The following DNAAF19 variants were observed in gnomAD, a reference collection of about 807,000 sequenced individuals.
DNAAF19 encodes dynein axonemal assembly factor 19, also known as coiled-coil domain containing 103.
chr17:44,904,603 C>T, the DNAAF19 span: 4 of 1,550,612 alleles, frequency 2.6e-6, no homozygotes, highest in Admixed American at 5.9e-5. Flanking sequence ...CCATCATTAA[C>T]TATGTGTCCA....
At chr17:44,904,566 CAAAG>C in the DNAAF19 span, 16 of 1,550,590 alleles carry the variant, frequency 1.0e-5, 1 homozygote, top group South Asian at 1.7e-4. Flanking sequence ...TGTGAGAAGA[CAAAG>C]ACCATCCGGG....
chr17:44,901,291 AT>A, the DNAAF19 span: 1 of 1,044,266 alleles, frequency 9.6e-7, no homozygotes, highest in East Asian at 2.7e-5. Context: ...AGTCTCAATT[AT>A]TTATCTGTAG....
the DNAAF19 span, chr17:44,900,993 C>T: frequency 1.3e-6 from 2 of 1,599,172 alleles, no homozygotes; most frequent in Non-Finnish European, 1.7e-6. Flanking sequence ...TTCCCAGGCA[C>T]AGGCCATGGA....
chr17:44,901,606 C>A, the DNAAF19 span: 1 of 1,614,166 alleles, frequency 6.2e-7, no homozygotes, highest in East Asian at 2.2e-5. Flanking sequence ...AACTGTCACA[C>A]TATTCAGGGA....
chr17:44,900,021 T>G, the DNAAF19 span, among the ~76,000 whole-genome samples: 5 of 151,618 alleles, frequency 3.3e-5, no homozygotes, highest in Admixed American at 6.6e-5. Flanking sequence ...CTAGGGCTGT[T>G]GGTGATGACC....
chr17:44,905,269 T>C, the DNAAF19 span: 3 of 592,060 alleles, frequency 5.1e-6, no homozygotes, highest in Non-Finnish European at 9.2e-6. Context: ...GGTGGGAGAT[T>C]GGGGACTGAG....
the DNAAF19 span, chr17:44,903,605 C>A: frequency 6.4e-6 from 9 of 1,404,882 alleles, no homozygotes; most frequent in East Asian, 5.2e-5. Context: ...CTTTCCCCCC[C>A]CACCCTGAGA....
the DNAAF19 span, chr17:44,902,568 G>A: frequency 1.2e-6 from 2 of 1,614,206 alleles, no homozygotes; most frequent in East Asian, 2.2e-5. Context: ...CGGCTGACCG[G>A]GCAGCGGTGC....
chr17:44,903,797 GC>G, the DNAAF19 span: 2 of 1,528,610 alleles, frequency 1.3e-6, no homozygotes, highest in South Asian at 2.5e-5. Flanking sequence ...CCCTGGTTTT[GC>G]CCTGCCCCTC....
chr17:44,901,423 CG>C, the DNAAF19 span: 1 of 1,372,118 alleles, frequency 7.3e-7, no homozygotes, highest in African/African-American at 1.4e-5. Flanking sequence ...CATATTGGTC[CG>C]TAACAGGTTT....
At chr17:44,902,808 G>C in the DNAAF19 span, 1 of 1,548,948 alleles carries the variant, frequency 6.5e-7, no homozygotes, top group African/African-American at 1.4e-5. Flanking sequence ...AGCTGTACCA[G>C]GTTGACTGAT....
chr17:44,902,385 C>G, the DNAAF19 span: 2 of 1,614,220 alleles, frequency 1.2e-6, no homozygotes, highest in Non-Finnish European at 1.7e-6. Context: ...CCCTCCAGCC[C>G]GAGACGTCTG....
At chr17:44,903,394 C>G in the DNAAF19 span, 1 of 1,251,090 alleles carries the variant, frequency 8.0e-7, no homozygotes, top group Non-Finnish European at 1.0e-6. Flanking sequence ...GCCAGATATG[C>G]AGGAGGGTGG....
chr17:44,902,514 A>G, the DNAAF19 span: 2 of 1,614,052 alleles, frequency 1.2e-6, no homozygotes, highest in Non-Finnish European at 8.5e-7. Flanking sequence ...TGGGATTTGG[A>G]CTTCTTGGGG....
At chr17:44,902,721 C>T in the DNAAF19 span, 5 of 1,613,110 alleles carry the variant, frequency 3.1e-6, no homozygotes, top group East Asian at 2.2e-5. Flanking sequence ...AGGAGGGGCT[C>T]AGCTGGGAGG....
the DNAAF19 span, chr17:44,900,994 A>C: frequency 4.4e-5 from 71 of 1,599,638 alleles, no homozygotes; most frequent in Non-Finnish European, 5.8e-5. Context: ...TCCCAGGCAC[A>C]GGCCATGGAA....
At chr17:44,903,877 G>T in the DNAAF19 span, 1 of 1,548,184 alleles carries the variant, frequency 6.5e-7, no homozygotes, top group Non-Finnish European at 8.7e-7. Context: ...GGGGGCTCCA[G>T]GCCTTTGAAA....
At chr17:44,902,996 G>C in the DNAAF19 span, 2 of 1,428,546 alleles carry the variant, frequency 1.4e-6, no homozygotes, top group Non-Finnish European at 1.8e-6. Flanking sequence ...TCAGTGTCTC[G>C]CTGTTTTGAA....
chr17:44,901,542 C>A, the DNAAF19 span: 1 of 1,614,152 alleles, frequency 6.2e-7, no homozygotes, highest in Non-Finnish European at 8.5e-7. Flanking sequence ...TGCATCACAT[C>A]TGAAGCCACT....
Sources: gnomAD v4.1 joint callset for allele counts (sites outside exome capture counted in the v4.1 genomes callset) on GRCh38, gnomAD v4.1.1 for gene constraint, MANE v1.5 for transcripts, NCBI Gene and HGNC (gene_info 2026-07-23, HGNC 2026-07-21) for gene names.